The following SYN2 variants were observed in gnomAD, a reference collection of about 807,000 sequenced individuals.
SYN2 encodes synapsin-2.
SYN2 carries 19 observed loss-of-function variants against 50.9 expected under a neutral mutation model. That is an observed-to-expected ratio of 0.37 (90% CI 0.26 to 0.55). The LOEUF is 0.55. Among genes scored for constraint, SYN2 ranks in the 20% least tolerant of loss-of-function variants. The pLI is 0.81. For missense variants in SYN2, 587 were observed against 576.4 expected, an observed-to-expected ratio of 1.02 and a Z score of -0.19; for synonymous variants, 255 against 224.9, an observed-to-expected ratio of 1.13 and a Z score of -1.20.
chr3:12,116,481 A>G (rs1423536810), intron 1 of SYN2, among the ~76,000 whole-genome samples: 1 of 152,312 alleles, frequency 6.6e-6, no homozygotes, highest in East Asian at 1.9e-4. Context: ...ACTTTTTGCT[A>G]GAGAGCTATA....
chr3:12,078,284 AG>A (rs1695514015), intron 1 of SYN2, among the ~76,000 whole-genome samples: 1 of 152,072 alleles, frequency 6.6e-6, no homozygotes, highest in Non-Finnish European at 1.5e-5. Context: ...CAGTGATTAT[AG>A]TTTTTTGCTG....
intron 1 of SYN2, among the ~76,000 whole-genome samples, chr3:12,097,913 T>C (rs925552151): frequency 2.6e-5 from 4 of 152,014 alleles, no homozygotes; most frequent in African/African-American, 7.3e-5. Flanking sequence ...AAATGACCCA[T>C]GTAATGGGTG....
chr3:12,058,030 T>C (rs1384344902), intron 1 of SYN2, among the ~76,000 whole-genome samples: 1 of 152,174 alleles, frequency 6.6e-6, no homozygotes, highest in Non-Finnish European at 1.5e-5. Context: ...TCTACATTTT[T>C]TAACAAATGC....
intron 1 of SYN2, among the ~76,000 whole-genome samples, chr3:12,056,183 A>T (rs912746360): frequency 7.4e-5 from 11 of 149,288 alleles, no homozygotes; most frequent in Admixed American, 3.3e-4. Flanking sequence ...TTTTTTTTTT[A>T]AATAGGCAAC....
At chr3:12,007,043 A>T (rs1429704577) in intron 1 of SYN2, among the ~76,000 whole-genome samples, 1 of 152,232 alleles carries the variant, frequency 6.6e-6, no homozygotes, top group Non-Finnish European at 1.5e-5. Flanking sequence ...ATAGATAGGT[A>T]CTGATACTTA....
intron 1 of SYN2, among the ~76,000 whole-genome samples, chr3:12,086,086 A>C (rs1241724938): frequency 6.6e-6 from 1 of 152,200 alleles, no homozygotes; most frequent in Non-Finnish European, 1.5e-5. Context: ...AGAAATACAA[A>C]GTAGCACAAG....
At chr3:12,035,335 C>T (rs147685415) in intron 1 of SYN2, among the ~76,000 whole-genome samples, 4 of 152,288 alleles carry the variant, frequency 2.6e-5, no homozygotes, top group African/African-American at 4.8e-5. Context: ...TCTCTCAGGC[C>T]AGAGTTGCAC....
intron 1 of SYN2, among the ~76,000 whole-genome samples, chr3:12,034,016 C>G (rs1375844696): frequency 6.6e-6 from 1 of 152,168 alleles, no homozygotes; most frequent in African/African-American, 2.4e-5. Flanking sequence ...GTTGTGTGAA[C>G]ATACGCTTTC....
In SYN2 at chr3:12,181,573, A is replaced by G. The variant is rs116011656; in HGVS notation, c.1309-1739A>G. ...ACGGTACTGTGAGGTACAGGGAGAT[A>G]GTGCACAATAGTGCATCCATGTTAC... On this transcript the variant is annotated intron_variant, in intron 10 of 12. Transcript: ENST00000621198. Among the ~76,000 whole-genome samples, 754 of 152,388 alleles carry G rather than the reference A, an allele frequency of 4.9e-3. 8 individuals carry two copies. Among genetic ancestry groups the G allele is most frequent in the African/African-American group, 0.017 (699 of 41,596 alleles).
intron 1 of SYN2, among the ~76,000 whole-genome samples, chr3:12,088,706 A>T (rs527750558): frequency 6.6e-6 from 1 of 152,226 alleles, no homozygotes; most frequent in African/African-American, 2.4e-5. Flanking sequence ...ACTATACAGC[A>T]TTTACAAAGA....
intron 1 of SYN2, among the ~76,000 whole-genome samples, chr3:12,045,327 A>T (rs2125151628): frequency 6.6e-6 from 1 of 152,348 alleles, no homozygotes; most frequent in East Asian, 1.9e-4. Flanking sequence ...AGGAGTAGAT[A>T]AAAAGTGAAA....
At chr3:12,032,409 T>C (rs1261616840) in intron 1 of SYN2, among the ~76,000 whole-genome samples, 1 of 64,876 alleles carries the variant, frequency 1.5e-5, no homozygotes, top group African/African-American at 6.2e-5. Context: ...CTGTATTTCC[T>C]GAATCTGAAC....
intron 1 of SYN2, among the ~76,000 whole-genome samples, chr3:12,023,452 T>C (rs370777143): frequency 2.1e-4 from 32 of 152,094 alleles, no homozygotes; most frequent in African/African-American, 7.7e-4. Context: ...TTTCATCATG[T>C]TAAATGAATA....
At chr3:12,183,214 C>T (rs974534544) in intron 10 of SYN2, 98 bp from the exon 11 acceptor site, 116 of 1,468,344 alleles carry the variant, frequency 7.9e-5, no homozygotes, top group Middle Eastern at 3.9e-4. Flanking sequence ...CAGGTCCCAC[C>T]GGATTCCACT....
At chr3:12,154,520 T>C (rs1014788684) in intron 5 of SYN2, 71 of 1,576,692 alleles carry the variant, frequency 4.5e-5, no homozygotes, top group Non-Finnish European at 6.0e-5. Context: ...GCCCAGGTCC[T>C]TGAAAAGCCC....
chr3:12,070,924 G>C, intron 1 of SYN2: 1 of 555,526 alleles, frequency 1.8e-6, no homozygotes. Flanking sequence ...GATGGCCACC[G>C]CCGCATCCTC....
At chr3:12,137,987 C>T (rs1185337338) in intron 1 of SYN2, among the ~76,000 whole-genome samples, 2 of 152,162 alleles carry the variant, frequency 1.3e-5, no homozygotes, top group East Asian at 1.9e-4. Flanking sequence ...GGAAAGGGTA[C>T]AGCTAGAATT....
At chr3:12,007,131 C>T (rs1272377784) in intron 1 of SYN2, among the ~76,000 whole-genome samples, 1 of 152,156 alleles carries the variant, frequency 6.6e-6, no homozygotes, top group Non-Finnish European at 1.5e-5. Flanking sequence ...TTGAAACTCT[C>T]TTTGGATAGT....
At chr3:12,006,681 G>A (rs1693807733) in intron 1 of SYN2, among the ~76,000 whole-genome samples, 1 of 151,968 alleles carries the variant, frequency 6.6e-6, no homozygotes. Flanking sequence ...ATTATTATTA[G>A]CAATATTAAT....
Sources: allele counts gnomAD v4.1 joint callset (sites outside exome capture counted in the v4.1 genomes callset), GRCh38; gene constraint gnomAD v4.1.1; transcripts MANE v1.5; gene names NCBI Gene and HGNC (gene_info 2026-07-23, HGNC 2026-07-21).